Variants in NDUFA8 observed in about 807,000 individuals in gnomAD.
NDUFA8 encodes the protein NADH dehydrogenase [ubiquinone] 1 alpha subcomplex subunit 8.
NDUFA8 carries 16 observed loss-of-function variants against 20.9 expected under a neutral mutation model. The ratio of observed to expected loss-of-function variants is 0.77; its 90% confidence interval spans 0.52 to 1.16. The LOEUF is 1.16. Ranked by LOEUF, NDUFA8 falls within the 50% of genes most tolerant of loss-of-function variation. The pLI is 0.00. For missense variants in NDUFA8, 202 were observed against 216.4 expected (o/e 0.93, Z 0.42); for synonymous variants, 70 against 76.1 (o/e 0.92, Z 0.41).
chr9:122,141,146 T>G (rs187464920), downstream of NDUFA8, among the ~76,000 whole-genome samples: 205 of 152,322 alleles, frequency 1.3e-3, no homozygotes, highest in African/African-American at 4.6e-3. Flanking sequence ...ATGAATAGCA[T>G]GCTGTAGAGT....
intron 2 of NDUFA8, 25 bp downstream of exon 2, chr9:122,152,220 A>G (rs764692366): frequency 1.2e-6 from 2 of 1,613,974 alleles, no homozygotes; most frequent in Non-Finnish European, 1.7e-6. Flanking sequence ...TCAACCAAGT[A>G]GGCACTGATA....
Position 122,156,148 on chromosome 9 carries a change from AAAC to A in NDUFA8, c.51+3476_51+3478del, listed in dbSNP as rs148746548. ...CACTGAGACTGATGAATTCCAACAG[AAAC>A]AACATCCTTTCACAGCTGTTTACCA... is the stretch of plus-strand genomic sequence containing the variant. On this transcript the variant is annotated intron_variant, in intron 1 of 3. Coordinates refer to ENST00000373768, the MANE Select transcript of NDUFA8 (RefSeq NM_014222.3). Among the ~76,000 whole-genome samples the A allele has an allele frequency of 1.3e-3, 201 of 152,344 alleles. 1 individual carries two copies. Among genetic ancestry groups the A allele is most frequent in the African/African-American group, 4.7e-3 (194 of 41,574 alleles).
At chr9:122,140,566 T>C (rs941464219), downstream of NDUFA8, among the ~76,000 whole-genome samples, 2 of 152,206 alleles carry the variant, frequency 1.3e-5, no homozygotes, top group African/African-American at 4.8e-5. Flanking sequence ...CAGTTAATCA[T>C]TTCCTGGATG....
downstream of NDUFA8, among the ~76,000 whole-genome samples, chr9:122,143,116 C>T (rs1421843949): frequency 6.6e-6 from 1 of 152,108 alleles, no homozygotes; most frequent in Non-Finnish European, 1.5e-5. Flanking sequence ...GCACGTCAGG[C>T]AACAGACCCT....
Position 122,148,101 on chromosome 9 carries a change from A to G in NDUFA8, c.381+11T>C. The G allele has an allele frequency of 2.5e-6, 4 of 1,613,988 alleles. No individual in the cohort carries two copies. Among genetic ancestry groups the G allele is most frequent in the Non-Finnish European group, 3.4e-6 (4 of 1,180,024 alleles). ...ATCAGAAAGTGAGACCTCCAGCAGA[A>G]GCCTTTTTACCTTTGACAGTTCTCC... On this transcript the variant is annotated intron_variant, in intron 3 of 3. Coordinates refer to ENST00000373768, the MANE Select transcript of NDUFA8 (RefSeq NM_014222.3).
downstream of NDUFA8, among the ~76,000 whole-genome samples, chr9:122,143,616 G>A (rs1457915109): frequency 3.9e-5 from 6 of 152,190 alleles, no homozygotes; most frequent in African/African-American, 7.2e-5. Flanking sequence ...AAACATCTGG[G>A]TTATAATGCT....
chr9:122,132,760 A>G, the NDUFA8 span, among the ~76,000 whole-genome samples: 3 of 152,190 alleles, frequency 2.0e-5, no homozygotes, highest in East Asian at 1.9e-4. Flanking sequence ...CTTTTGGGAC[A>G]TTGCAATCCT....
intron 1 of NDUFA8, among the ~76,000 whole-genome samples, chr9:122,153,995 T>C (rs754099570): frequency 1.9e-4 from 29 of 152,214 alleles, no homozygotes; most frequent in Non-Finnish European, 1.5e-4. Flanking sequence ...ATACTTGTTC[T>C]TTCCTCTCTG....
chr9:122,147,610 T>C (rs1384013145), intron 3 of NDUFA8, among the ~76,000 whole-genome samples: 2 of 140,160 alleles, frequency 1.4e-5, no homozygotes. Context: ...CTAGAAGGCC[T>C]AAAGAAATTT....
At chr9:122,150,646 C>A (rs569206862) in intron 2 of NDUFA8, among the ~76,000 whole-genome samples, 1 of 151,920 alleles carries the variant, frequency 6.6e-6, no homozygotes, top group African/African-American at 2.4e-5. Flanking sequence ...GTTGGTTTAT[C>A]CACTGATGGA....
At chr9:122,137,283 C>T in the NDUFA8 span, among the ~76,000 whole-genome samples, 2 of 128,844 alleles carry the variant, frequency 1.6e-5, no homozygotes, top group Non-Finnish European at 1.6e-5. Context: ...CTCTGTCTCA[C>T]CCAAGCTGGA....
At chr9:122,148,368 T>A in intron 2 of NDUFA8, 91 bp from the exon 3 acceptor site, 1 of 1,427,812 alleles carries the variant, frequency 7.0e-7, no homozygotes, top group Non-Finnish European at 9.9e-7. Flanking sequence ...CTCAAATACA[T>A]AGCCTTGCTT....
In NDUFA8 at chr9:122,148,816, G is replaced by T. The variant is rs11792649; in HGVS notation, c.216-539C>A. ...AGCTCAAGGTCCTCATTTTATTTACGCATTGAACAAAAATAGATATTAATC... is the reference window on the plus strand; with the variant it reads ...AGCTCAAGGTCCTCATTTTATTTACTCATTGAACAAAAATAGATATTAATC... On this transcript the variant is annotated intron_variant, in intron 2 of 3. Transcript: ENST00000373768. Among the ~76,000 whole-genome samples the T allele has an allele frequency of 5.9e-5, 9 of 152,008 alleles. No individual in the cohort carries two copies. In the South Asian group the frequency reaches 1.2e-3, roughly 21 times the overall value.
At chr9:122,142,927 A>C (rs1209236573), downstream of NDUFA8, among the ~76,000 whole-genome samples, 4 of 151,700 alleles carry the variant, frequency 2.6e-5, no homozygotes, top group African/African-American at 7.3e-5. Context: ...AAAAAAATGC[A>C]AAAAAAAGTC....
chr9:122,136,113 CTTAT>C, the NDUFA8 span, among the ~76,000 whole-genome samples: 1 of 152,148 alleles, frequency 6.6e-6, no homozygotes, highest in Admixed American at 6.5e-5. Context: ...TCTATTGCAA[CTTAT>C]TTACTGTTCA....
chr9:122,142,995 C>A (rs566658698), downstream of NDUFA8, among the ~76,000 whole-genome samples: 1 of 152,196 alleles, frequency 6.6e-6, no homozygotes, highest in Non-Finnish European at 1.5e-5. Flanking sequence ...TTTTGCAGAA[C>A]ACGTGGGGGT....
At chr9:122,145,279 T>A (rs117954940) in intron 3 of NDUFA8, among the ~76,000 whole-genome samples, 2 of 152,140 alleles carry the variant, frequency 1.3e-5, no homozygotes, top group African/African-American at 4.8e-5. Flanking sequence ...AAGACCCAAA[T>A]TGGGGAGCTG....
intron 1 of NDUFA8, among the ~76,000 whole-genome samples, chr9:122,153,853 A>C (rs1829039835): frequency 6.6e-6 from 1 of 152,222 alleles, no homozygotes; most frequent in Non-Finnish European, 1.5e-5. Context: ...CAGTTTTTAT[A>C]ATACTGGGTG....
At chr9:122,132,509 C>G in the NDUFA8 span, among the ~76,000 whole-genome samples, 1 of 152,226 alleles carries the variant, frequency 6.6e-6, no homozygotes, top group East Asian at 1.9e-4. Flanking sequence ...CAGGCTGGAG[C>G]TGGGGAGGTG....
Sources: gnomAD v4.1 joint callset for allele counts (sites outside exome capture counted in the v4.1 genomes callset) on GRCh38, gnomAD v4.1.1 for gene constraint, MANE v1.5 for transcripts, NCBI Gene and HGNC (gene_info 2026-07-23, HGNC 2026-07-21) for gene names.